USP54: variants seen among roughly 807,000 people sequenced by gnomAD.
USP54 encodes the protein ubiquitin carboxyl-terminal hydrolase 54.
In USP54, 87 loss-of-function variants were observed where a neutral mutation model predicts 170.5. The ratio of observed to expected loss-of-function variants is 0.51; its 90% confidence interval spans 0.43 to 0.61. The LOEUF (loss-of-function observed/expected upper bound fraction) is 0.61. Ranked by LOEUF, USP54 falls within the 20% of genes least tolerant of loss-of-function variation. The probability of loss-of-function intolerance (pLI) is 0.00; values close to 1 mark genes in which losing one functional copy is unlikely to be tolerated. For missense variants in USP54, 1,786 were observed against 2,047.8 expected, an observed-to-expected ratio of 0.87 and a Z score of 2.47; for synonymous variants, 655 against 742.8, an observed-to-expected ratio of 0.88 and a Z score of 1.92.
intron 3 of USP54, among the ~76,000 whole-genome samples, chr10:73,575,100 C>T (rs529490942): frequency 6.6e-6 from 1 of 151,874 alleles, no homozygotes; most frequent in Admixed American, 6.6e-5. Flanking sequence ...TGGTGGGCGC[C>T]TGTAGTCCCA....
upstream of USP54, among the ~76,000 whole-genome samples, chr10:73,592,210 A>G (rs1006375306): frequency 2.0e-5 from 3 of 152,140 alleles, no homozygotes; most frequent in African/African-American, 7.2e-5. Flanking sequence ...TGAGGTTATA[A>G]AACAGTTTTA....
chr10:73,516,489 CTG>C lies in USP54; in HGVS notation c.3935_3936del (p.Thr1312ArgfsTer36). 6.2e-7 allele frequency: 1 copy of C among 1,614,178 alleles called. No homozygotes were observed. The highest frequency in any genetic ancestry group is 8.5e-7 in the Non-Finnish European group (1 of 1,180,036). On this transcript the variant is annotated frameshift_variant, in exon 20 of 24. Transcript: ENST00000687698. LOFTEE classifies it high-confidence loss of function. The part of the protein sequence containing the change: ...ILLHPHWNQD[T>X]EQETSELESL... ...GACTCCAATTCTGAGGTCTCCTGCT[CTG>C]TGTCTTGGTTCCAATGTGGATGCAA...
chr10:73,552,643 T>C (rs370406106), intron 4 of USP54, among the ~76,000 whole-genome samples: 3 of 151,746 alleles, frequency 2.0e-5, no homozygotes, highest in Non-Finnish European at 2.9e-5. Flanking sequence ...TTACAAAAAT[T>C]AGCCAGGTGT....
At chr10:73,551,239 T>C (rs1449038447) in intron 4 of USP54, among the ~76,000 whole-genome samples, 1 of 152,224 alleles carries the variant, frequency 6.6e-6, no homozygotes, top group Non-Finnish European at 1.5e-5. Context: ...AATGTCTCCA[T>C]ATGATGTGGG....
chr10:73,504,990 C>G lies in USP54; in HGVS notation c.4171G>C (p.Ala1391Pro). The stretch of plus-strand genomic sequence containing the variant: ...CTGCTGAGGCCTCGGCAAGGTGTAG[C>G]CTTCAAACACACAGACACATACAGG... The part of the protein sequence containing the change: ...HEARTVRTSQ[A>P]TPCRGLSREC... Residue 1391 changes from alanine to proline, a missense_variant and splice_region_variant, in exon 22 of 24, where the codon GCT becomes CCT. Transcript: ENST00000687698. The G allele has an allele frequency of 6.2e-7, 1 of 1,614,136 alleles. No homozygotes were observed. Among genetic ancestry groups the G allele is most frequent in the South Asian group, 1.1e-5 (1 of 91,078 alleles).
intron 1 of USP54, among the ~76,000 whole-genome samples, chr10:73,588,574 A>T (rs1342248063): frequency 6.6e-6 from 1 of 152,244 alleles, no homozygotes; most frequent in African/African-American, 2.4e-5. Context: ...ATTCACCCAG[A>T]CTATTGCAGA....
Position 73,530,354 on chromosome 10 carries a change from C to G in USP54, c.1617G>C (p.Gln539His), listed in dbSNP as rs771480010. The G allele has an allele frequency of 1.9e-6, 3 of 1,613,990 alleles. No homozygotes were observed. The African/African-American group carries it at 4.0e-5, about 22-fold the overall frequency. Residue 539 changes from glutamine to histidine, a missense_variant, in exon 14 of 24, where the codon CAG (glutamine) becomes CAC (histidine). Physicochemically the swap from Gln to His is conservative, Grantham distance 24 (BLOSUM62 0). Transcript: ENST00000687698. Reference sequence around the variant, plus strand: ...GGGTCCTAGGAGGTTTTTTGTCAGGCTGGTCTCCTCCTCTGCCCCTGCAGT... The same window carrying G: ...GGGTCCTAGGAGGTTTTTTGTCAGGGTGGTCTCCTCCTCTGCCCCTGCAGT... Reference protein sequence around the residue: ...GSHCRGRGGDQPDKKPPRTLP... With the variant: ...GSHCRGRGGDHPDKKPPRTLP...
At chr10:73,625,436 GGC>G (rs1474304715) in intron 1 of USP54, 3 of 152,044 alleles carry the variant, frequency 2.0e-5, no homozygotes, top group Admixed American at 6.6e-5. Flanking sequence ...CCCAGGTCCC[GGC>G]GCGCGGTCCC....
At chr10:73,573,749 A>C (rs1205829536) in intron 3 of USP54, among the ~76,000 whole-genome samples, 1 of 152,212 alleles carries the variant, frequency 6.6e-6, no homozygotes, top group Admixed American at 6.5e-5. Flanking sequence ...TGGGCGACAG[A>C]GTGAGACTCT....
intron 1 of USP54, among the ~76,000 whole-genome samples, chr10:73,604,198 G>A (rs191327971): frequency 2.6e-5 from 4 of 151,942 alleles, no homozygotes; most frequent in Non-Finnish European, 4.4e-5. Context: ...GCAGTGAGCC[G>A]AGATCGCACC....
chr10:73,502,926 C>A (rs377156890), intron 22 of USP54, among the ~76,000 whole-genome samples: 5 of 152,156 alleles, frequency 3.3e-5, no homozygotes, highest in African/African-American at 1.2e-4. Context: ...TCAAATATAT[C>A]ATTATCTACC....
At chr10:73,579,745 A>G (rs1017199933) in intron 1 of USP54, among the ~76,000 whole-genome samples, 2 of 151,844 alleles carry the variant, frequency 1.3e-5, no homozygotes, top group African/African-American at 4.9e-5. Flanking sequence ...TGACACGGCA[A>G]GACTCCATCT....
At chr10:73,620,296 G>A (rs1377494426) in intron 1 of USP54, among the ~76,000 whole-genome samples, 2 of 147,104 alleles carry the variant, frequency 1.4e-5, no homozygotes, top group Non-Finnish European at 2.9e-5. Context: ...CTGGGCGACA[G>A]AGCGAGACTC....
Position 73,526,672 on chromosome 10 carries a change from G to A in USP54, c.2169C>T (p.Gly723=), listed in dbSNP as rs201978160. Residue 723 remains glycine (G), a synonymous_variant, in exon 16 of 24, where the codon GGC becomes GGT. Coordinates refer to ENST00000687698, the MANE Select transcript of USP54 (RefSeq NM_001391956.1). The stretch of plus-strand genomic sequence containing the variant: ...CAGAGAAAGGCTGACTCTTTGTCCA[G>A]CCACCCATGGATGCTGTGGAGTCTA... ...LEVDSTASMG[G]WTKSQPFSGE... 1.4e-5 allele frequency: 22 copies of A among 1,614,060 alleles called. No homozygotes were observed. In the Admixed American group the frequency reaches 3.7e-4, roughly 27 times the overall value.
intron 1 of USP54, among the ~76,000 whole-genome samples, chr10:73,604,502 T>G (rs770257272): frequency 2.4e-4 from 36 of 151,868 alleles, no homozygotes; most frequent in Non-Finnish European, 4.6e-4. Context: ...ACACACGTAA[T>G]CCCAGTATTT....
intron 1 of USP54, among the ~76,000 whole-genome samples, chr10:73,607,583 C>T (rs2079773898): frequency 6.6e-6 from 1 of 151,640 alleles, no homozygotes; most frequent in South Asian, 2.1e-4. Context: ...GTAATCCCAA[C>T]ATTTTGGGAG....
intron 3 of USP54, 40 bp downstream of exon 3, chr10:73,575,472 A>G (rs2133823157): frequency 6.4e-7 from 1 of 1,557,818 alleles, no homozygotes; most frequent in Non-Finnish European, 8.7e-7. Flanking sequence ...ATCAGCAATT[A>G]AAAGTCAAAG....
At chr10:73,521,315 G>A (rs867938950) in intron 17 of USP54, among the ~76,000 whole-genome samples, 6 of 152,238 alleles carry the variant, frequency 3.9e-5, no homozygotes, top group South Asian at 2.1e-4. Flanking sequence ...TGGTGCAATC[G>A]GTTAGCGCGC....
chr10:73,619,084 G>A (rs902045236), intron 1 of USP54, among the ~76,000 whole-genome samples: 6 of 150,060 alleles, frequency 4.0e-5, no homozygotes, highest in Non-Finnish European at 7.4e-5. Flanking sequence ...ATGGTGGGGC[G>A]TGCCTGTAGT....
Sources: allele counts gnomAD v4.1 joint callset (sites outside exome capture counted in the v4.1 genomes callset), GRCh38; gene constraint gnomAD v4.1.1; transcripts MANE v1.5; gene names NCBI Gene and HGNC (gene_info 2026-07-23, HGNC 2026-07-21).